SCN1A: variants seen among roughly 807,000 people sequenced by gnomAD.
The protein encoded by SCN1A is sodium channel protein type 1 subunit alpha.
SCN1A carries 13 observed loss-of-function variants against 193.7 expected under a neutral mutation model. The observed-to-expected ratio is 0.07, with a 90% CI of 0.04 to 0.11. The LOEUF (loss-of-function observed/expected upper bound fraction) is 0.11. Among genes scored for constraint, SCN1A ranks in the 10% least tolerant of loss-of-function variants. The pLI, the probability that SCN1A is intolerant of heterozygous loss-of-function variation, is 1.00. For synonymous variants in SCN1A, 781 were observed against 843.6 expected, an observed-to-expected ratio of 0.93 and a Z score of 1.29; for missense variants, 1,432 against 2,451.1, an observed-to-expected ratio of 0.58 and a Z score of 8.78.
chr2:166,145,715 A>C (rs908974676), intron 1 of SCN1A, among the ~76,000 whole-genome samples: 1 of 152,224 alleles, frequency 6.6e-6, no homozygotes, highest in African/African-American at 2.4e-5. Context: ...GGCTAAAGAC[A>C]TGAAAATGAA....
intron 24 of SCN1A, chr2:166,000,031 G>A (rs939941262): frequency 7.8e-6 from 4 of 511,372 alleles, no homozygotes; most frequent in African/African-American, 5.8e-5. Flanking sequence ...CAATTCTTTA[G>A]AGTTCATGGT....
rs565537621 is a variant in SCN1A at position 165,991,225 on chromosome 2, T to A, written c.*20A>T. ...AGGCTGTAAACAATTTGTCACCCAA[T>A]TATTTTTATTTATTTTCATTTATTT... On this transcript the variant is annotated 3_prime_UTR_variant, in exon 29 of 29. Transcript: ENST00000674923. The A allele has an allele frequency of 7.6e-6, 12 of 1,582,374 alleles. No individual in the cohort carries two copies. Among genetic ancestry groups the A allele is most frequent in the Non-Finnish European group, 1.0e-5 (12 of 1,160,502 alleles).
At chr2:166,044,165 C>A in intron 13 of SCN1A, 116 bp from the exon 14 acceptor site, 1 of 1,159,610 alleles carries the variant, frequency 8.6e-7, no homozygotes, top group Non-Finnish European at 1.2e-6. Flanking sequence ...GAATATGGTT[C>A]ATTCCTTTTG....
In SCN1A at chr2:166,044,319, C is replaced by T. The variant is rs143861464; in HGVS notation, c.1663-270G>A. On this transcript the variant is annotated intron_variant, in intron 13 of 28. Coordinates refer to ENST00000674923, the MANE Select transcript of SCN1A (RefSeq NM_001165963.4). ...ACACACACACACACATACACACACA[C>T]CCTGAACGACCATTTCTCAAGTTCA... is the stretch of plus-strand genomic sequence containing the variant. 2.7e-3 allele frequency among the ~76,000 whole-genome samples: 405 copies of T among 152,164 alleles called. 2 individuals carry two copies. The highest frequency in any genetic ancestry group is 9.3e-3 in the African/African-American group (385 of 41,524).
intron 2 of SCN1A, among the ~76,000 whole-genome samples, chr2:166,107,513 T>A (rs1256900500): frequency 1.3e-5 from 2 of 152,184 alleles, no homozygotes; most frequent in Non-Finnish European, 1.5e-5. Context: ...TATTGAACAT[T>A]GTATGGTAAA....
At chr2:166,117,310 C>T (rs894302426) in intron 2 of SCN1A, among the ~76,000 whole-genome samples, 1 of 152,168 alleles carries the variant, frequency 6.6e-6, no homozygotes, top group Admixed American at 6.5e-5. Flanking sequence ...AGATGTTAAT[C>T]ATGTATACTT....
At chr2:166,070,594 C>G (rs1462173751) in intron 4 of SCN1A, among the ~76,000 whole-genome samples, 2 of 152,168 alleles carry the variant, frequency 1.3e-5, no homozygotes, top group Non-Finnish European at 2.9e-5. Flanking sequence ...CTTTCACCCT[C>G]AGTTTTAAGA....
intron 2 of SCN1A, among the ~76,000 whole-genome samples, chr2:166,082,579 G>A (rs940574713): frequency 1.3e-5 from 2 of 152,064 alleles, no homozygotes; most frequent in Admixed American, 6.6e-5. Context: ...AATTTAAAAA[G>A]ATGATTGTAA....
intron 2 of SCN1A, among the ~76,000 whole-genome samples, chr2:166,120,852 G>T (rs1490665966): frequency 6.6e-6 from 1 of 151,616 alleles, no homozygotes; most frequent in Non-Finnish European, 1.5e-5. Context: ...CTGACCTCAG[G>T]TGATCTGCCC....
intron 18 of SCN1A, 71 bp from the exon 19 acceptor site, chr2:166,036,601 CTTTCT>C (rs1272666821): frequency 2.0e-6 from 3 of 1,495,364 alleles, no homozygotes; most frequent in Admixed American, 3.7e-5. Context: ...ATCACTTATT[CTTTCT>C]TTTAAGTGTG....
chr2:166,122,259 G>A (rs1046639785), intron 2 of SCN1A, among the ~76,000 whole-genome samples: 3 of 152,166 alleles, frequency 2.0e-5, no homozygotes, highest in African/African-American at 7.2e-5. Flanking sequence ...CAAAGAACAT[G>A]GATAATATTT....
At chr2:166,014,760 T>G (rs1693048860) in intron 20 of SCN1A, among the ~76,000 whole-genome samples, 1 of 148,846 alleles carries the variant, frequency 6.7e-6, no homozygotes, top group South Asian at 2.1e-4. Context: ...AGTGAAGGAA[T>G]GGAGGAAAAG....
At chr2:166,147,605 C>T (rs981408359) in intron 1 of SCN1A, among the ~76,000 whole-genome samples, 5 of 152,060 alleles carry the variant, frequency 3.3e-5, no homozygotes, top group Non-Finnish European at 7.4e-5. Flanking sequence ...AGTCTGAATG[C>T]CAAACTGAGT....
rs1349267882 is a variant in SCN1A, at chr2:165,991,646, C to G, written c.5629G>C (p.Gly1877Arg). 1 of 1,613,798 alleles carries G rather than the reference C, an allele frequency of 6.2e-7. No homozygotes were observed. Among genetic ancestry groups the G allele is most frequent in the Non-Finnish European group, 8.5e-7 (1 of 1,179,934 alleles). Residue 1877 changes from glycine (G) to arginine (R), a missense_variant, in exon 29 of 29, where the codon GGA (glycine) becomes CGA (arginine). Transcript: ENST00000674923. ...ILFAFTKRVL[G>R]ESGEMDALRI... The stretch of plus-strand genomic sequence containing the variant: ...AGAGCATCCATCTCTCCACTCTCTC[C>G]TAGAACCCGCTTTGTAAAAGCAAAT...
intron 6 of SCN1A, among the ~76,000 whole-genome samples, chr2:166,056,068 T>C (rs575062849): frequency 6.6e-6 from 1 of 152,224 alleles, no homozygotes; most frequent in African/African-American, 2.4e-5. Context: ...CTTGATTCAA[T>C]GTATTTATCT....
At chr2:166,103,655 C>T (rs1459818486) in intron 2 of SCN1A, among the ~76,000 whole-genome samples, 2 of 151,550 alleles carry the variant, frequency 1.3e-5, no homozygotes, top group Admixed American at 6.6e-5. Context: ...AGGAAATTCA[C>T]CAGGAAGATA....
At chr2:166,057,897 T>C (rs917677511) in intron 5 of SCN1A, among the ~76,000 whole-genome samples, 1 of 152,148 alleles carries the variant, frequency 6.6e-6, no homozygotes, top group African/African-American at 2.4e-5. Flanking sequence ...ATGGGAATCA[T>C]GAAACCAAAT....
At chr2:166,083,493 A>G (rs1414828905) in intron 2 of SCN1A, among the ~76,000 whole-genome samples, 1 of 151,988 alleles carries the variant, frequency 6.6e-6, no homozygotes, top group Non-Finnish European at 1.5e-5. Context: ...GAAATACAAT[A>G]CATAGTTTTT....
chr2:166,045,930 C>G (rs955247601), intron 12 of SCN1A, among the ~76,000 whole-genome samples: 64 of 152,160 alleles, frequency 4.2e-4, no homozygotes, highest in African/African-American at 1.5e-3. Context: ...CAAAAACTGT[C>G]CCCACCATCT....
Sources: allele counts gnomAD v4.1 joint callset (sites outside exome capture counted in the v4.1 genomes callset), GRCh38; gene constraint gnomAD v4.1.1; transcripts MANE v1.5; gene names NCBI Gene and HGNC (gene_info 2026-07-23, HGNC 2026-07-21).